ASAP1: variants seen among roughly 807,000 people sequenced by gnomAD.
ASAP1 encodes ArfGAP with SH3 domain, ankyrin repeat and PH domain 1.
ASAP1 carries 43 observed loss-of-function variants against 145.2 expected under a neutral mutation model. The ratio of observed to expected loss-of-function variants is 0.30; its 90% CI spans 0.23 to 0.38. ASAP1 has a LOEUF of 0.38. Ranked by LOEUF, ASAP1 falls within the 10% of genes least tolerant of loss-of-function variation. The pLI, the probability that ASAP1 is intolerant of heterozygous loss-of-function variation, is 1.00. For synonymous variants in ASAP1, 546 were observed against 515.5 expected (o/e 1.06, Z -0.80); for missense variants, 1,018 against 1,355.3 (o/e 0.75, Z 3.91).
At chr8:130,394,788 C>G (rs1321245024) in intron 2 of ASAP1, among the ~76,000 whole-genome samples, 12 of 152,186 alleles carry the variant, frequency 7.9e-5, no homozygotes, top group Admixed American at 6.5e-4. Flanking sequence ...AAAGAACCTA[C>G]GTGACTATCA....
intron 3 of ASAP1, among the ~76,000 whole-genome samples, chr8:130,336,077 C>A (rs888395786): frequency 6.6e-6 from 1 of 152,006 alleles, no homozygotes; most frequent in Admixed American, 6.5e-5. Context: ...CATCAGCCTA[C>A]CAGAGATAGA....
At chr8:130,271,569 C>T (rs1820589099) in intron 3 of ASAP1, among the ~76,000 whole-genome samples, 1 of 152,190 alleles carries the variant, frequency 6.6e-6, no homozygotes, top group Non-Finnish European at 1.5e-5. Context: ...TAGCTTCCAA[C>T]ACCTACCAAC....
At chr8:130,078,964 CAGG>C (rs1280294300) in intron 26 of ASAP1, among the ~76,000 whole-genome samples, 1 of 152,126 alleles carries the variant, frequency 6.6e-6, no homozygotes, top group Admixed American at 6.6e-5. Context: ...GAGGCTGAAG[CAGG>C]AGGATTGCTT....
intron 3 of ASAP1, among the ~76,000 whole-genome samples, chr8:130,268,314 T>G (rs1820381201): frequency 6.6e-6 from 1 of 152,002 alleles, no homozygotes; most frequent in East Asian, 1.9e-4. Context: ...AGCAAGACTT[T>G]GCCTCTACAA....
chr8:130,284,653 A>T (rs557251749), intron 3 of ASAP1, among the ~76,000 whole-genome samples: 1 of 152,178 alleles, frequency 6.6e-6, no homozygotes, highest in South Asian at 2.1e-4. Context: ...GCAGACTGTG[A>T]TGTAGGATGC....
chr8:130,230,122 C>T (rs970707048), intron 4 of ASAP1, among the ~76,000 whole-genome samples: 4 of 151,934 alleles, frequency 2.6e-5, no homozygotes, highest in African/African-American at 7.3e-5. Context: ...CCCAAACTAG[C>T]GGTCGTGGGA....
intron 3 of ASAP1, among the ~76,000 whole-genome samples, chr8:130,267,388 G>C (rs912085482): frequency 2.0e-5 from 3 of 152,186 alleles, no homozygotes; most frequent in Non-Finnish European, 4.4e-5. Flanking sequence ...GACTTACTGA[G>C]TACTTAGCCT....
At position 130,188,723 on chromosome 8, in the gene ASAP1, CAAAAAAA is replaced by C. The variant is rs370580190; in HGVS notation, c.406-547_406-541del. Among the ~76,000 whole-genome samples, 4 of 83,842 alleles carry C rather than the reference CAAAAAAA, an allele frequency of 4.8e-5. No individual in the cohort carries two copies. The East Asian group carries it at 1.6e-3, about 33-fold the overall frequency. 55.0% of individuals were successfully genotyped at this position (83,842 alleles called of 152,430 possible). ...TTCCAGCCTGAGTGAGAGACTCTCT[CAAAAAAA>C]AAAAAAAAAAAAAAAGAAAAGAAAA... On this transcript the variant is annotated intron_variant, in intron 5 of 29. Coordinates refer to ENST00000518721, the MANE Select transcript of ASAP1 (RefSeq NM_018482.4).
intron 27 of ASAP1, among the ~76,000 whole-genome samples, chr8:130,071,026 G>A (rs2097445140): frequency 7.0e-6 from 1 of 143,660 alleles, no homozygotes; most frequent in African/African-American, 2.6e-5. Flanking sequence ...GAGAGAGAGA[G>A]AGAGAGAGAG....
chr8:130,098,256 C>T (rs147545982), intron 24 of ASAP1, among the ~76,000 whole-genome samples: 1 of 152,350 alleles, frequency 6.6e-6, no homozygotes, highest in African/African-American at 2.4e-5. Context: ...CAACAGCTTG[C>T]TTCCCTTCCT....
chr8:130,093,686 A>AGAAAG (rs1554821358), intron 24 of ASAP1, among the ~76,000 whole-genome samples: 2 of 131,984 alleles, frequency 1.5e-5, no homozygotes, highest in African/African-American at 6.6e-5. Flanking sequence ...AAAAAAAAAA[A>AGAAAG]AAAGAAAGCT....
intron 5 of ASAP1, among the ~76,000 whole-genome samples, chr8:130,200,540 A>C (rs1815801236): frequency 6.6e-6 from 1 of 152,238 alleles, no homozygotes; most frequent in Admixed American, 6.5e-5. Flanking sequence ...CTGCAGTATG[A>C]ACCCAATGTT....
chr8:130,268,490 AACACAC>A (rs113714700), intron 3 of ASAP1, among the ~76,000 whole-genome samples: 3,863 of 133,174 alleles, frequency 0.029, 64 homozygotes, highest in Middle Eastern at 0.062. Flanking sequence ...CCCGTCTTAA[AACACAC>A]ACACACACAC....
chr8:130,234,193 G>T (rs1371422500), intron 4 of ASAP1, among the ~76,000 whole-genome samples: 3 of 152,180 alleles, frequency 2.0e-5, no homozygotes. Context: ...TGATGATGGA[G>T]AAGTTTCTAT....
At chr8:130,138,617 A>T (rs992729165) in intron 13 of ASAP1, among the ~76,000 whole-genome samples, 1 of 152,112 alleles carries the variant, frequency 6.6e-6, no homozygotes, top group Admixed American at 6.6e-5. Flanking sequence ...TGGGTGGATC[A>T]CCTGAGGTCG....
At chr8:130,151,598 A>T (rs1322209579) in intron 13 of ASAP1, among the ~76,000 whole-genome samples, 1 of 152,138 alleles carries the variant, frequency 6.6e-6, no homozygotes, top group African/African-American at 2.4e-5. Context: ...AGAATCACTG[A>T]AAAGTGTGCT....
chr8:130,058,197 T>C, intron 28 of ASAP1, 121 bp from the exon 29 acceptor site: 2 of 1,112,602 alleles, frequency 1.8e-6, no homozygotes, highest in Non-Finnish European at 2.6e-6. Flanking sequence ...CTTGATTTCC[T>C]CACCCTTGAA....
chr8:130,299,396 T>C (rs1822484802), intron 3 of ASAP1, among the ~76,000 whole-genome samples: 1 of 152,176 alleles, frequency 6.6e-6, no homozygotes, highest in Non-Finnish European at 1.5e-5. Flanking sequence ...AGGTCACAAA[T>C]AAACTCAGCA....
At chr8:130,153,507 C>A (rs2097651934) in intron 12 of ASAP1, among the ~76,000 whole-genome samples, 1 of 150,620 alleles carries the variant, frequency 6.6e-6, no homozygotes, top group African/African-American at 2.4e-5. Context: ...GTAGCTGGGA[C>A]CACAGGCACA....
Sources: gnomAD v4.1 joint callset for allele counts (sites outside exome capture counted in the v4.1 genomes callset) on GRCh38, gnomAD v4.1.1 for gene constraint, MANE v1.5 for transcripts, NCBI Gene and HGNC (gene_info 2026-07-23, HGNC 2026-07-21) for gene names.